LRRC1: variants seen among roughly 807,000 people sequenced by gnomAD.
The protein encoded by LRRC1 is leucine-rich repeat-containing protein 1.
A neutral mutation model predicts 69.9 loss-of-function variants in LRRC1; 28 were observed. The observed-to-expected ratio is 0.40, with a 90% CI of 0.30 to 0.55. The LOEUF (loss-of-function observed/expected upper bound fraction) is 0.55, where lower values mean the gene tolerates loss of function less well. Ranked by LOEUF, LRRC1 falls within the 20% of genes least tolerant of loss-of-function variation. The pLI is 0.47. For synonymous variants in LRRC1, 236 were observed against 240.2 expected, an observed-to-expected ratio of 0.98 and a Z score of 0.16; for missense variants, 498 against 609.0, an observed-to-expected ratio of 0.82 and a Z score of 1.92.
chr6:53,843,977 T>A (rs557049926), intron 2 of LRRC1, among the ~76,000 whole-genome samples: 1 of 152,288 alleles, frequency 6.6e-6, no homozygotes, highest in African/African-American at 2.4e-5. Flanking sequence ...ACAGGTCAGG[T>A]TACCAGCCAC....
At position 53,879,844 on chromosome 6, in the gene LRRC1, G is replaced by T. The variant is rs188326671; in HGVS notation, c.356+773G>T. On this transcript the variant is annotated intron_variant, in intron 3 of 13. Coordinates refer to ENST00000370888, the MANE Select transcript of LRRC1 (RefSeq NM_018214.5). Reference sequence around the variant, plus strand: ...GCTGTTCCTTATGGCTCCTGGCTTAGTCGTGAGTCCACTCACCATGGGCTT... The same window carrying T: ...GCTGTTCCTTATGGCTCCTGGCTTATTCGTGAGTCCACTCACCATGGGCTT... Among the ~76,000 whole-genome samples the T allele has an allele frequency of 1.4e-3, 208 of 152,214 alleles. 1 individual carries two copies. Among genetic ancestry groups the T allele is most frequent in the African/African-American group, 4.8e-3 (199 of 41,512 alleles).
chr6:53,869,342 T>TG (rs1766807475), intron 2 of LRRC1, among the ~76,000 whole-genome samples: 1 of 152,112 alleles, frequency 6.6e-6, no homozygotes, highest in Non-Finnish European at 1.5e-5. Context: ...CAGTTTTTAA[T>TG]GGGGTATTGT....
chr6:53,848,761 T>C (rs1310201088), intron 2 of LRRC1, among the ~76,000 whole-genome samples: 2 of 117,814 alleles, frequency 1.7e-5, no homozygotes, highest in African/African-American at 3.1e-5. Flanking sequence ...TTTCTTTTAC[T>C]CTTTTTTTTT....
At chr6:53,850,826 C>G (rs939994678) in intron 2 of LRRC1, among the ~76,000 whole-genome samples, 1 of 152,136 alleles carries the variant, frequency 6.6e-6, no homozygotes, top group African/African-American at 2.4e-5. Context: ...ATCCAGGCTT[C>G]TTTCTTCTTG....
At chr6:53,920,097 A>G (rs935579232) in intron 12 of LRRC1, among the ~76,000 whole-genome samples, 13 of 152,270 alleles carry the variant, frequency 8.5e-5, no homozygotes, top group Admixed American at 5.9e-4. Context: ...TCACAGTAAC[A>G]GCAAAATGCT....
chr6:53,840,692 A>G (rs1450486589), intron 1 of LRRC1, among the ~76,000 whole-genome samples: 1 of 150,904 alleles, frequency 6.6e-6, no homozygotes, highest in African/African-American at 2.4e-5. Context: ...CTTTTATGGG[A>G]TTCTTTTATC....
chr6:53,796,837 T>A (rs1241140677), intron 1 of LRRC1, among the ~76,000 whole-genome samples: 1 of 152,246 alleles, frequency 6.6e-6, no homozygotes, highest in Non-Finnish European at 1.5e-5. Context: ...GATTTTTTTC[T>A]GGCCTTTTAC....
chr6:53,868,316 C>T (rs1016731106), intron 2 of LRRC1, among the ~76,000 whole-genome samples: 7 of 151,496 alleles, frequency 4.6e-5, no homozygotes, highest in Admixed American at 1.3e-4. Flanking sequence ...CTGCCTCCCG[C>T]GTTTAAGCGA....
chr6:53,861,187 AT>A (rs1490064072), intron 2 of LRRC1, among the ~76,000 whole-genome samples: 4 of 152,150 alleles, frequency 2.6e-5, no homozygotes, highest in African/African-American at 9.6e-5. Context: ...TTAAAAAAAA[AT>A]AAAATAAAAT....
intron 2 of LRRC1, among the ~76,000 whole-genome samples, chr6:53,876,243 G>C (rs1767064628): frequency 6.6e-6 from 1 of 152,168 alleles, no homozygotes; most frequent in African/African-American, 2.4e-5. Context: ...GATCTTGTGA[G>C]ACTTACTTAC....
intron 1 of LRRC1, among the ~76,000 whole-genome samples, chr6:53,823,062 T>G (rs1354083888): frequency 6.6e-6 from 1 of 152,230 alleles, no homozygotes; most frequent in Non-Finnish European, 1.5e-5. Flanking sequence ...TTCAAAATTC[T>G]CCAGGTCCCT....
chr6:53,896,096 T>A (rs1339725161), intron 4 of LRRC1, among the ~76,000 whole-genome samples: 1 of 152,198 alleles, frequency 6.6e-6, no homozygotes, highest in Non-Finnish European at 1.5e-5. Flanking sequence ...TCTGCAAGAC[T>A]AAAGGTGCTA....
chr6:53,848,083 G>A (rs1197673204), intron 2 of LRRC1, among the ~76,000 whole-genome samples: 1 of 152,140 alleles, frequency 6.6e-6, no homozygotes, highest in African/African-American at 2.4e-5. Context: ...CATTACAGTA[G>A]GAGAGTTTTG....
At chr6:53,870,995 T>C (rs1766865188) in intron 2 of LRRC1, among the ~76,000 whole-genome samples, 1 of 152,256 alleles carries the variant, frequency 6.6e-6, no homozygotes, top group African/African-American at 2.4e-5. Flanking sequence ...GGCTGAATAG[T>C]ACATTGTGTG....
intron 1 of LRRC1, among the ~76,000 whole-genome samples, chr6:53,823,705 T>A (rs1038928253): frequency 6.6e-6 from 1 of 152,178 alleles, no homozygotes; most frequent in Non-Finnish European, 1.5e-5. Context: ...TGTGTGTCCA[T>A]ATGTTCCCCT....
intron 1 of LRRC1, among the ~76,000 whole-genome samples, chr6:53,819,774 A>G (rs997139469): frequency 6.6e-6 from 1 of 152,120 alleles, no homozygotes; most frequent in African/African-American, 2.4e-5. Flanking sequence ...ACCACATTTC[A>G]CCAAAGTCCT....
chr6:53,863,856 A>G (rs1420392894), intron 2 of LRRC1, among the ~76,000 whole-genome samples: 1 of 152,244 alleles, frequency 6.6e-6, no homozygotes, highest in Non-Finnish European at 1.5e-5. Flanking sequence ...TAGTCAGGAT[A>G]TAATCTCAGA....
chr6:53,806,979 A>G (rs557941004), intron 1 of LRRC1, among the ~76,000 whole-genome samples: 1 of 152,310 alleles, frequency 6.6e-6, no homozygotes, highest in East Asian at 1.9e-4. Context: ...TCCTTATTAA[A>G]TGAACTCAAG....
Position 53,919,654 on chromosome 6 carries a change from T to C in LRRC1, c.1263T>C (p.Ser421=), listed in dbSNP as rs1427733856. 3 of 1,612,532 alleles carry C rather than the reference T, an allele frequency of 1.9e-6. No individual in the cohort carries two copies. Among genetic ancestry groups the C allele is most frequent in the Non-Finnish European group, 2.5e-6 (3 of 1,179,600 alleles). Residue 421 remains serine (S), a synonymous_variant, in exon 12 of 14, where the codon TCT becomes TCC. Coordinates refer to ENST00000370888, the MANE Select transcript of LRRC1 (RefSeq NM_018214.5). ...LTCVLLPQLP[S]EPTCQENLPR... ...GTGTCTTACTTCCTCAGCTGCCTTCTGAACCTACTTGTCAAGGTGAATTTA... is the reference window on the plus strand; with the variant it reads ...GTGTCTTACTTCCTCAGCTGCCTTCCGAACCTACTTGTCAAGGTGAATTTA...
Sources: gnomAD v4.1 joint callset for allele counts (sites outside exome capture counted in the v4.1 genomes callset) on GRCh38, gnomAD v4.1.1 for gene constraint, MANE v1.5 for transcripts, NCBI Gene and HGNC (gene_info 2026-07-23, HGNC 2026-07-21) for gene names.